Variants in PIGU observed in about 807,000 individuals in gnomAD.
PIGU encodes GPI-anchor transamidase component PIGU.
Under a neutral mutation model 49.9 loss-of-function variants are expected in PIGU, and 24 were observed. That is an observed-to-expected ratio of 0.48 (90% CI 0.35 to 0.68). The LOEUF is 0.68. Among genes scored for constraint, PIGU ranks in the 30% least tolerant of loss-of-function variants. The pLI is 0.01. For missense variants in PIGU, 490 were observed against 532.6 expected, an observed-to-expected ratio of 0.92 and a Z score of 0.79; for synonymous variants, 220 against 205.7, an observed-to-expected ratio of 1.07 and a Z score of -0.59.
intron 1 of PIGU, among the ~76,000 whole-genome samples, chr20:34,660,674 G>A (rs779642381): frequency 1.3e-5 from 2 of 152,140 alleles, no homozygotes; most frequent in Non-Finnish European, 2.9e-5. Context: ...TAACTGGCAA[G>A]TACTCTTAAA....
At chr20:34,668,483 A>AAAAAGG (rs1412365978) in intron 1 of PIGU, among the ~76,000 whole-genome samples, 50 of 88,662 alleles carry the variant, frequency 5.6e-4, no homozygotes, top group Admixed American at 1.3e-3. Context: ...AAAAAAAAAA[A>AAAAAGG]GGGGGGGGCG....
At chr20:34,595,010 T>G (rs1156240836) in intron 7 of PIGU, among the ~76,000 whole-genome samples, 1 of 136,336 alleles carries the variant, frequency 7.3e-6, no homozygotes, top group African/African-American at 2.8e-5. Context: ...GAGAATGGCA[T>G]GAACCCAGGA....
intron 4 of PIGU, among the ~76,000 whole-genome samples, chr20:34,640,537 C>CTA (rs1555801709): frequency 3.0e-3 from 105 of 35,362 alleles, no homozygotes; most frequent in African/African-American, 5.3e-3. Flanking sequence ...ACACACACAC[C>CTA]CCTTAAGAAA....
At chr20:34,645,482 G>A in intron 2 of PIGU, 148 bp from the exon 3 acceptor site, 3 of 1,165,194 alleles carry the variant, frequency 2.6e-6, no homozygotes, top group Non-Finnish European at 3.4e-6. Flanking sequence ...ACGCCAGCTG[G>A]CCGGTGTGCT....
At chr20:34,659,649 G>T (rs563369195) in intron 1 of PIGU, among the ~76,000 whole-genome samples, 48 of 152,274 alleles carry the variant, frequency 3.2e-4, no homozygotes, top group African/African-American at 7.2e-4. Flanking sequence ...ATCGGATGGT[G>T]GCCGTGTCTG....
At chr20:34,641,661 T>C (rs1986167853) in intron 4 of PIGU, among the ~76,000 whole-genome samples, 2 of 152,248 alleles carry the variant, frequency 1.3e-5, no homozygotes, top group South Asian at 4.1e-4. Context: ...TGTGTAGACA[T>C]AGTTTCATTA....
In PIGU at chr20:34,655,310, T is replaced by TA. The variant is rs112819535; in HGVS notation, c.195+1869dup. Among the ~76,000 whole-genome samples, 95 of 104,232 alleles carry TA rather than the reference T, an allele frequency of 9.1e-4. 11 individuals are homozygous for TA. Among genetic ancestry groups the TA allele is most frequent in the African/African-American group, 1.8e-3 (52 of 28,306 alleles). The allele number at this position is 104,232 out of a possible 152,430, so 68.4% of individuals were successfully genotyped here. Reference sequence around the variant, plus strand: ...CGGTGACAGAGCAAGACCCTGTCTTTAAAAAAAAAAAATTAGAAGGTACAT... The same window carrying TA: ...CGGTGACAGAGCAAGACCCTGTCTTTAAAAAAAAAAAAATTAGAAGGTACAT... On this transcript the variant is annotated intron_variant, in intron 2 of 11. Transcript: ENST00000217446.
rs748531750 is a variant in PIGU, at chr20:34,570,708, T to C, written c.1194+4396A>G. The stretch of plus-strand genomic sequence containing the variant: ...CACCGCGCCCGGCCGCATAAGCCAC[T>C]ATTAATTTTAATTTTAGGAGAAGAT... On this transcript the variant is annotated intron_variant, in intron 11 of 11. Coordinates refer to ENST00000217446, the MANE Select transcript of PIGU (RefSeq NM_080476.5). 2.6e-5 allele frequency among the ~76,000 whole-genome samples: 4 copies of C among 152,350 alleles called. No homozygotes were observed. In the South Asian group the frequency reaches 8.3e-4, roughly 32 times the overall value.
intron 1 of PIGU, among the ~76,000 whole-genome samples, chr20:34,667,272 G>A (rs918113794): frequency 6.6e-6 from 1 of 152,158 alleles, no homozygotes; most frequent in Non-Finnish European, 1.5e-5. Context: ...AAGCAGTAGT[G>A]TCCCTATACT....
At chr20:34,603,467 T>C (rs1260334546) in intron 7 of PIGU, among the ~76,000 whole-genome samples, 1 of 152,250 alleles carries the variant, frequency 6.6e-6, no homozygotes, top group Non-Finnish European at 1.5e-5. Context: ...AACTGATTTC[T>C]TATCAATTCT....
chr20:34,618,123 T>C (rs1410155972), intron 6 of PIGU, among the ~76,000 whole-genome samples: 1 of 152,156 alleles, frequency 6.6e-6, no homozygotes, highest in Non-Finnish European at 1.5e-5. Context: ...AATAGAAGAC[T>C]AAAACCTAAG....
chr20:34,622,219 A>G (rs1985264490), intron 6 of PIGU, among the ~76,000 whole-genome samples: 1 of 152,112 alleles, frequency 6.6e-6, no homozygotes, highest in South Asian at 2.1e-4. Flanking sequence ...GTCATACTTC[A>G]ATAAAAAGTT....
intron 7 of PIGU, among the ~76,000 whole-genome samples, chr20:34,596,659 T>G (rs542061925): frequency 3.9e-5 from 6 of 152,284 alleles, no homozygotes; most frequent in Admixed American, 3.9e-4. Flanking sequence ...ATTAGAGCGT[T>G]CTACAAGGCC....
chr20:34,634,919 T>C (rs1985912011), intron 5 of PIGU, among the ~76,000 whole-genome samples: 1 of 152,174 alleles, frequency 6.6e-6, no homozygotes, highest in Non-Finnish European at 1.5e-5. Flanking sequence ...CCTATTCTGT[T>C]CTATGGAGTA....
At chr20:34,651,873 G>A (rs1986550170) in intron 2 of PIGU, among the ~76,000 whole-genome samples, 2 of 152,076 alleles carry the variant, frequency 1.3e-5, no homozygotes, top group African/African-American at 4.8e-5. Context: ...GGAGGCCGAG[G>A]TGGGAGGATC....
At chr20:34,605,648 G>A (rs757066371) in intron 7 of PIGU, among the ~76,000 whole-genome samples, 3 of 152,156 alleles carry the variant, frequency 2.0e-5, no homozygotes, top group Non-Finnish European at 4.4e-5. Context: ...ATAGTCACTT[G>A]CTCAGGGTCA....
intron 7 of PIGU, among the ~76,000 whole-genome samples, chr20:34,595,137 T>C (rs1298970708): frequency 6.9e-6 from 1 of 144,510 alleles, no homozygotes; most frequent in Non-Finnish European, 1.5e-5. Context: ...AATATACATA[T>C]ATACATGTAT....
intron 7 of PIGU, among the ~76,000 whole-genome samples, chr20:34,593,325 G>A (rs918544115): frequency 1.7e-5 from 2 of 115,338 alleles, no homozygotes; most frequent in African/African-American, 3.3e-5. Flanking sequence ...GCAACAGAGC[G>A]AGACTCTGTC....
chr20:34,620,604 G>A (rs1323923926), intron 6 of PIGU, among the ~76,000 whole-genome samples: 1 of 152,058 alleles, frequency 6.6e-6, no homozygotes, highest in Non-Finnish European at 1.5e-5. Context: ...GAGGTCGGGA[G>A]ATCGAGACCA....
Sources: allele counts gnomAD v4.1 joint callset (sites outside exome capture counted in the v4.1 genomes callset), GRCh38; gene constraint gnomAD v4.1.1; transcripts MANE v1.5; gene names NCBI Gene and HGNC (gene_info 2026-07-23, HGNC 2026-07-21).